SETD7: variants seen among roughly 807,000 people sequenced by gnomAD.
SETD7 encodes histone-lysine N-methyltransferase SETD7.
SETD7 carries 16 observed loss-of-function variants against 41.8 expected under a neutral mutation model. The observed-to-expected ratio is 0.38, with a 90% CI of 0.26 to 0.58. SETD7 has a LOEUF of 0.58. Ranked by LOEUF, SETD7 falls within the 20% of genes least tolerant of loss-of-function variation. The probability of loss-of-function intolerance (pLI) is 0.64; values close to 1 mark genes in which losing one functional copy is unlikely to be tolerated. For synonymous variants in SETD7, 163 were observed against 169.7 expected (o/e 0.96, Z 0.31); for missense variants, 346 against 459.7 (o/e 0.75, Z 2.26).
At chr4:139,545,435 A>G (rs1387126885) in intron 2 of SETD7, among the ~76,000 whole-genome samples, 1 of 152,176 alleles carries the variant, frequency 6.6e-6, no homozygotes, top group African/African-American at 2.4e-5. Context: ...GCCAATACCA[A>G]CATACTGAAA....
chr4:139,525,983 C>T (rs6536222), intron 4 of SETD7, among the ~76,000 whole-genome samples: 18,703 of 152,076 alleles, frequency 0.12, 1,570 homozygotes, highest in East Asian at 0.37. Flanking sequence ...TTCTTTTCTG[C>T]GTTAAGTTAA....
At chr4:139,496,375 A>G (rs1726455445) in exon 8 of SETD7, 2 of 702,262 alleles carry the variant, frequency 2.8e-6, no homozygotes, top group East Asian at 5.4e-5. Flanking sequence ...GAACATCATT[A>G]TGAGCATCAG....
chr4:139,496,015 C>T (rs2111104671), exon 8 of SETD7: 1 of 185,686 alleles, frequency 5.4e-6, no homozygotes, highest in East Asian at 1.5e-4. Context: ...AACTCGTACT[C>T]ATCACCCAGC....
chr4:139,530,403 T>A (rs1727451595), intron 3 of SETD7, among the ~76,000 whole-genome samples: 1 of 141,818 alleles, frequency 7.1e-6, no homozygotes, highest in African/African-American at 2.6e-5. Context: ...GATGTAAATT[T>A]AAAAATGAAT....
intron 2 of SETD7, among the ~76,000 whole-genome samples, chr4:139,545,090 A>G (rs1417234964): frequency 2.0e-5 from 3 of 152,194 alleles, no homozygotes; most frequent in African/African-American, 7.2e-5. Flanking sequence ...CACTTTTCAG[A>G]AAAAAGAGCT....
At chr4:139,517,170 T>C (rs1727046837) in intron 7 of SETD7, among the ~76,000 whole-genome samples, 1 of 152,198 alleles carries the variant, frequency 6.6e-6, no homozygotes, top group Admixed American at 6.5e-5. Context: ...TCCTTCTTTC[T>C]TTCACATCAT....
At chr4:139,524,351 G>T (rs1043764531) in intron 4 of SETD7, among the ~76,000 whole-genome samples, 4 of 152,236 alleles carry the variant, frequency 2.6e-5, no homozygotes, top group Non-Finnish European at 5.9e-5. Context: ...AAAGAATTCA[G>T]TTCAGGGAAT....
rs1727235717 is a variant in SETD7, at chr4:139,523,391, T to C, written c.607A>G (p.Thr203Ala). 1 of 1,613,554 alleles carries C rather than the reference T, an allele frequency of 6.2e-7. No individual in the cohort carries two copies. The highest frequency in any genetic ancestry group is 1.3e-5 in the African/African-American group (1 of 74,896). The change falls in exon 5 of 8, where the codon ACC (threonine) becomes GCC (alanine). Residue 203 changes from threonine (T) to alanine (A), a missense_variant. Coordinates refer to ENST00000274031, the MANE Select transcript of SETD7 (RefSeq NM_030648.4). ...FDKSTSSCISTNALLPDPYES... is the reference protein window; with the variant it reads ...FDKSTSSCISANALLPDPYES... ...TAAGGATCTGGAAGAAGAGCATTGGTAGAAATGCAAGATGAAGTCGACTTA... is the reference window on the plus strand; with the variant it reads ...TAAGGATCTGGAAGAAGAGCATTGGCAGAAATGCAAGATGAAGTCGACTTA...
chr4:139,516,282 A>G (rs1006205623), intron 7 of SETD7, among the ~76,000 whole-genome samples: 2 of 7,192 alleles, frequency 2.8e-4, no homozygotes, highest in Admixed American at 3.1e-3. Flanking sequence ...CCTGGCCAAC[A>G]TGGTGAAACC....
rs1237225690 is a variant in SETD7, at chr4:139,499,965, T to C, written c.921-3444A>G. Among the ~76,000 whole-genome samples the C allele has an allele frequency of 3.3e-5, 5 of 152,198 alleles. No homozygotes were observed. In the South Asian group the frequency reaches 8.3e-4, roughly 25 times the overall value. On this transcript the variant is annotated intron_variant, in intron 7 of 7. Transcript: ENST00000506866. ...TGTTAGCATTAGATCATGCCGTTTT[T>C]GTCCAAACATATTTCATACTTCATT...
At chr4:139,543,055 A>G (rs976725229) in intron 2 of SETD7, among the ~76,000 whole-genome samples, 4 of 152,238 alleles carry the variant, frequency 2.6e-5, no homozygotes, top group Non-Finnish European at 4.4e-5. Context: ...TGATGGGGAC[A>G]CAAATCAGCA....
At chr4:139,538,038 T>C (rs576413556) in intron 2 of SETD7, among the ~76,000 whole-genome samples, 2 of 152,182 alleles carry the variant, frequency 1.3e-5, no homozygotes, top group East Asian at 3.9e-4. Flanking sequence ...AAAAACTGGG[T>C]TTAAAAAGCA....
intron 7 of SETD7, among the ~76,000 whole-genome samples, chr4:139,512,185 T>C (rs1428682423): frequency 6.6e-6 from 1 of 152,180 alleles, no homozygotes; most frequent in Admixed American, 6.5e-5. Context: ...AACAAAAATC[T>C]GTCGTTAATG....
At chr4:139,533,919 T>C (rs1047748276) in intron 2 of SETD7, among the ~76,000 whole-genome samples, 4 of 152,328 alleles carry the variant, frequency 2.6e-5, no homozygotes, top group Admixed American at 2.6e-4. Context: ...ATCCCTTCCA[T>C]CTCCTTGGAA....
chr4:139,499,096 A>G (rs2592966), intron 7 of SETD7, among the ~76,000 whole-genome samples: 96,932 of 152,108 alleles, frequency 0.64, 33,380 homozygotes, highest in East Asian at 0.88. Flanking sequence ...ACCTTGTTTG[A>G]CTATAGTCAG....
intron 7 of SETD7, among the ~76,000 whole-genome samples, chr4:139,516,800 T>C (rs373743456): frequency 1.3e-5 from 2 of 152,130 alleles, no homozygotes; most frequent in African/African-American, 4.8e-5. Context: ...CACAAATACA[T>C]ACAAAATTCG....
rs192437254 is a variant in SETD7, at chr4:139,533,142, G to C, written c.372+23C>G. On this transcript the variant is annotated intron_variant, in intron 3 of 7. Transcript: ENST00000274031. ...AGTCACAGTATGTTACTTTCCAGCA[G>C]AGTGAACAGTCACACGGCTTACTGG... 240 of 1,585,970 alleles carry C rather than the reference G, an allele frequency of 1.5e-4. 1 individual carries two copies. In the East Asian group the frequency reaches 5.3e-3, roughly 35 times the overall value.
chr4:139,507,288 A>G lies in SETD7; in HGVS notation c.*4375T>C, dbSNP rs1726729819. 6.6e-6 allele frequency: 1 copy of G among 152,664 alleles called. No homozygotes were observed. Among genetic ancestry groups the G allele is most frequent in the Non-Finnish European group, 1.5e-5 (1 of 68,054 alleles). The allele number at this position is 152,664 out of a possible 1,614,324, so 9.5% of individuals were successfully genotyped here. A position where few individuals can be genotyped will look rare whatever the true frequency, so the allele number is the denominator to read the frequency against. On this transcript the variant is annotated 3_prime_UTR_variant, in exon 8 of 8. Transcript: ENST00000274031. ...AGGCCCCTCAAAGGCCTGCAGTGAT[A>G]TCACTAAAAGGTGAACACACCTCCA...
intron 1 of SETD7, among the ~76,000 whole-genome samples, chr4:139,554,433 AT>A (rs575752626): frequency 2.0e-5 from 3 of 152,362 alleles, no homozygotes; most frequent in African/African-American, 7.2e-5. Context: ...TTTGTATTTA[AT>A]TTTTACAAGT....
Sources: gnomAD v4.1 joint callset for allele counts (sites outside exome capture counted in the v4.1 genomes callset) on GRCh38, gnomAD v4.1.1 for gene constraint, MANE v1.5 for transcripts, NCBI Gene and HGNC (gene_info 2026-07-23, HGNC 2026-07-21) for gene names.